SLC6A2: variants seen among roughly 807,000 people sequenced by gnomAD.
SLC6A2 encodes the protein sodium-dependent noradrenaline transporter.
Under a neutral mutation model 71.7 loss-of-function variants are expected in SLC6A2, and 26 were observed. That is an observed-to-expected ratio of 0.36 (90% CI 0.27 to 0.50). The LOEUF (loss-of-function observed/expected upper bound fraction) is 0.50. SLC6A2 is among the 20% of genes least tolerant of loss of function. SLC6A2 has a pLI of 0.96. For missense variants in SLC6A2, 581 were observed against 803.9 expected (o/e 0.72, Z 3.35); for synonymous variants, 363 against 337.9 (o/e 1.07, Z -0.82).
At chr16:55,698,124 G>T in intron 10 of SLC6A2, 99 bp downstream of exon 10, 1 of 1,333,706 alleles carries the variant, frequency 7.5e-7, no homozygotes, top group African/African-American at 1.4e-5. Flanking sequence ...TGAGCTCAGG[G>T]AGAACAATGC....
At chr16:55,684,756 G>A (rs545199832) in intron 4 of SLC6A2, among the ~76,000 whole-genome samples, 1 of 152,184 alleles carries the variant, frequency 6.6e-6, no homozygotes, top group Non-Finnish European at 1.5e-5. Flanking sequence ...CGGGGTGGGG[G>A]TCAGGGACAA....
At chr16:55,659,406 G>T (rs1342518326) in intron 2 of SLC6A2, among the ~76,000 whole-genome samples, 1 of 152,138 alleles carries the variant, frequency 6.6e-6, no homozygotes, top group East Asian at 1.9e-4. Flanking sequence ...AGGTTCTTAG[G>T]ATGCAAAATG....
intron 9 of SLC6A2, 79 bp from the exon 10 acceptor site, chr16:55,697,818 C>T: frequency 1.3e-6 from 2 of 1,540,600 alleles, no homozygotes; most frequent in Non-Finnish European, 1.8e-6. Context: ...CTGCAGGAGG[C>T]TCTAGGAACC....
In SLC6A2 at chr16:55,671,761, G is replaced by C. The variant is rs866518776; in HGVS notation, c.407-177G>C. 133 of 1,379,678 alleles carry C rather than the reference G, an allele frequency of 9.6e-5. 1 individual carries two copies. Among genetic ancestry groups the C allele is most frequent in the Middle Eastern group, 9.2e-4 (4 of 4,334 alleles). 85.5% of individuals were successfully genotyped at this position (1,379,678 alleles called of 1,614,324 possible). A position where few individuals can be genotyped will look rare whatever the true frequency, so the allele number is the denominator to read the frequency against. On this transcript the variant is annotated intron_variant, in intron 3 of 14. Coordinates refer to ENST00000568943, the MANE Select transcript of SLC6A2 (RefSeq NM_001172501.3). ...TGAAACTACCCCCACCCCAAAATCT[G>C]TGGAAAAATTGTCTTCCATGCGACA...
rs753763351 is a variant in SLC6A2, at chr16:55,685,164, C to T, written c.666C>T (p.His222=). 50 of 1,614,058 alleles carry T rather than the reference C, an allele frequency of 3.1e-5. No individual in the cohort carries two copies. The highest frequency in any genetic ancestry group is 4.0e-5 in the Non-Finnish European group (47 of 1,180,030). ...GCAGGCGTGGTGTCCTGCACCTTCA[C>T]GAGAGCAGCGGGATTCATGACATCG... ...EFYERGVLHL[H]ESSGIHDIGL... is the part of the protein sequence containing the mutation. Residue 222 remains histidine, a synonymous_variant, in exon 5 of 15, where the codon CAC becomes CAT. Coordinates refer to ENST00000568943, the MANE Select transcript of SLC6A2 (RefSeq NM_001172501.3).
At chr16:55,691,546 TC>T (rs2142582985) in intron 5 of SLC6A2, among the ~76,000 whole-genome samples, 1 of 152,318 alleles carries the variant, frequency 6.6e-6, no homozygotes, top group East Asian at 1.9e-4. Context: ...ATGGGAAAGT[TC>T]TTCATTTTAT....
Position 55,704,837 on chromosome 16 carries a change from C to T in SLC6A2, c.*2491C>T. ...GCTGCCTTGCGGCGGAAGTTGGCTC[C>T]TGAATCTGGGATGGGAACCTGGCTC... On this transcript the variant is annotated 3_prime_UTR_variant, in exon 15 of 15. Transcript: ENST00000568943. 1 of 168,130 alleles carries T rather than the reference C, an allele frequency of 5.9e-6. No homozygotes were observed. 10.4% of individuals were successfully genotyped at this position (168,130 alleles called of 1,614,324 possible).
At chr16:55,669,499 G>A in intron 2 of SLC6A2, 66 bp from the exon 3 acceptor site, 6 of 1,588,086 alleles carry the variant, frequency 3.8e-6, no homozygotes, top group Non-Finnish European at 5.2e-6. Flanking sequence ...AGCTCTTGCA[G>A]ACACGGATCC....
At chr16:55,682,195 C>T (rs1965294938) in intron 4 of SLC6A2, among the ~76,000 whole-genome samples, 1 of 152,224 alleles carries the variant, frequency 6.6e-6, no homozygotes, top group Non-Finnish European at 1.5e-5. Flanking sequence ...GCATGAGCCA[C>T]CATGCCTGGC....
At chr16:55,663,028 C>T (rs1188574075) in intron 2 of SLC6A2, among the ~76,000 whole-genome samples, 1 of 152,110 alleles carries the variant, frequency 6.6e-6, no homozygotes, top group East Asian at 1.9e-4. Context: ...ACAAGAATGC[C>T]CCTCACTTTG....
chr16:55,673,306 G>A (rs1231726462), intron 4 of SLC6A2, among the ~76,000 whole-genome samples: 2 of 152,174 alleles, frequency 1.3e-5, no homozygotes, highest in Non-Finnish European at 2.9e-5. Context: ...TCAATATCTT[G>A]TTACTTGTGA....
intron 2 of SLC6A2, 28 bp from the exon 3 acceptor site, chr16:55,669,537 G>GGTGT: frequency 6.2e-7 from 1 of 1,613,446 alleles, no homozygotes; most frequent in Non-Finnish European, 8.5e-7. Context: ...GGGTCTGTCA[G>GGTGT]GTCACACTCT....
rs878978322 is a variant in SLC6A2 at position 55,672,184 on chromosome 16, C to G, written c.644+9C>G. 1 of 1,614,182 alleles carries G rather than the reference C, an allele frequency of 6.2e-7. No homozygotes were observed. The highest frequency in any genetic ancestry group is 2.2e-5 in the East Asian group (1 of 44,870). On this transcript the variant is annotated intron_variant, in intron 4 of 14. Coordinates refer to ENST00000568943, the MANE Select transcript of SLC6A2 (RefSeq NM_001172501.3). Reference sequence around the variant, plus strand: ...GCAGCCGAGTTTTATGAGTAAGTCACAGACCCCTTGTGCTGGGCCTGTTGA... The same window carrying G: ...GCAGCCGAGTTTTATGAGTAAGTCAGAGACCCCTTGTGCTGGGCCTGTTGA...
chr16:55,678,140 A>G (rs940306382), intron 4 of SLC6A2, among the ~76,000 whole-genome samples: 6 of 152,086 alleles, frequency 3.9e-5, no homozygotes, highest in Non-Finnish European at 5.9e-5. Context: ...AATTATTCCC[A>G]TTTTACAGAT....
chr16:55,702,223 T>A, intron 14 of SLC6A2, 100 bp from the exon 15 acceptor site: 1 of 1,180,066 alleles, frequency 8.5e-7, no homozygotes, highest in East Asian at 2.3e-5. Flanking sequence ...GAAGGGGGTG[T>A]TTTTCTGCCT....
At chr16:55,683,306 G>C (rs1403984296) in intron 4 of SLC6A2, among the ~76,000 whole-genome samples, 1 of 152,118 alleles carries the variant, frequency 6.6e-6, no homozygotes, top group African/African-American at 2.4e-5. Flanking sequence ...TGGATTGTTT[G>C]TTTTTCTTAC....
intron 13 of SLC6A2, among the ~76,000 whole-genome samples, chr16:55,701,400 T>C (rs1965967906): frequency 1.3e-5 from 2 of 152,168 alleles, no homozygotes; most frequent in African/African-American, 4.8e-5. Flanking sequence ...CAGTGATCAA[T>C]TGTTGGTTCA....
chr16:55,702,008 A>G, intron 14 of SLC6A2, 74 bp downstream of exon 14: 1 of 1,128,414 alleles, frequency 8.9e-7, no homozygotes, highest in Non-Finnish European at 1.4e-6. Flanking sequence ...TGCACTGCCC[A>G]AGGCTAGACA....
intron 2 of SLC6A2, 83 bp from the exon 3 acceptor site, chr16:55,669,482 T>C: frequency 6.6e-6 from 10 of 1,506,372 alleles, no homozygotes; most frequent in Non-Finnish European, 9.2e-6. Flanking sequence ...ACGCCCAGGA[T>C]CTTTGCAGCT....
Sources: allele counts gnomAD v4.1 joint callset (sites outside exome capture counted in the v4.1 genomes callset), GRCh38; gene constraint gnomAD v4.1.1; transcripts MANE v1.5; gene names NCBI Gene and HGNC (gene_info 2026-07-23, HGNC 2026-07-21).